PKIB: variants seen among roughly 807,000 people sequenced by gnomAD.
PKIB encodes PKI-beta.
Under a neutral mutation model 4.5 loss-of-function variants are expected in PKIB, and 2 were observed. The ratio of observed to expected loss-of-function variants is 0.44; its 90% CI spans 0.18 to 1.39. The LOEUF is 1.39. Among genes scored for constraint, PKIB ranks in the 40% most tolerant of loss-of-function variants. The probability of loss-of-function intolerance (pLI) is 0.27; values close to 1 mark genes in which losing one functional copy is unlikely to be tolerated. For missense variants in PKIB, 94 were observed against 92.6 expected, an observed-to-expected ratio of 1.02 and a Z score of -0.06; for synonymous variants, 38 against 36.0, an observed-to-expected ratio of 1.06 and a Z score of -0.20.
intron 2 of PKIB, among the ~76,000 whole-genome samples, chr6:122,524,694 G>A (rs1206125091): frequency 1.3e-5 from 2 of 151,870 alleles, no homozygotes; most frequent in Non-Finnish European, 2.9e-5. Flanking sequence ...TTCTTCATGA[G>A]TCAGTCTTAG....
At chr6:122,714,388 T>C (rs1779396161) in intron 3 of PKIB, among the ~76,000 whole-genome samples, 1 of 152,218 alleles carries the variant, frequency 6.6e-6, no homozygotes, top group Non-Finnish European at 1.5e-5. Flanking sequence ...ACTTCTGTTT[T>C]CGATCTTAAA....
At chr6:122,502,294 T>C (rs916690775) in intron 2 of PKIB, among the ~76,000 whole-genome samples, 3 of 152,054 alleles carry the variant, frequency 2.0e-5, no homozygotes, top group African/African-American at 7.2e-5. Context: ...GGTATCTTTA[T>C]AGCAATGCCT....
rs552691904 is a variant in PKIB, at chr6:122,703,874, G to A, written c.-8-13913G>A. 4.2e-4 allele frequency among the ~76,000 whole-genome samples: 61 copies of A among 146,982 alleles called. 1 individual carries two copies. Among genetic ancestry groups the A allele is most frequent in the African/African-American group, 1.5e-3 (59 of 39,892 alleles). On this transcript the variant is annotated intron_variant, in intron 3 of 4. Coordinates refer to ENST00000368452, the MANE Select transcript of PKIB (RefSeq NM_181795.3). The stretch of plus-strand genomic sequence containing the variant: ...ATATGTAAAAGCTCTACGTAAGAAC[G>A]GCAAAAATGCTCGCTCTCTATATAA...
rs983313195 is a variant in PKIB, at chr6:122,722,122, C to T, written c.170-3006C>T. On this transcript the variant is annotated intron_variant, in intron 4 of 4. Transcript: ENST00000368452. ...TAACAGCAATGTTAACTAGGAAGCA[C>T]ATAATATATGAAAAATCATTTTCCT... 2.0e-5 allele frequency among the ~76,000 whole-genome samples: 3 copies of T among 152,184 alleles called. No individual in the cohort carries two copies. In the East Asian group the frequency reaches 5.8e-4, roughly 29 times the overall value.
At chr6:122,639,956 G>C (rs1411731707) in intron 2 of PKIB, among the ~76,000 whole-genome samples, 1 of 152,096 alleles carries the variant, frequency 6.6e-6, no homozygotes, top group Non-Finnish European at 1.5e-5. Flanking sequence ...AATACAATAA[G>C]GGACTACAAG....
chr6:122,589,918 C>G (rs949676809), intron 3 of PKIB, among the ~76,000 whole-genome samples: 1 of 152,108 alleles, frequency 6.6e-6, no homozygotes, highest in African/African-American at 2.4e-5. Flanking sequence ...AATGCATAGT[C>G]TCTGTTAAAG....
chr6:122,501,729 C>A (rs890336597), intron 2 of PKIB, among the ~76,000 whole-genome samples: 1 of 152,116 alleles, frequency 6.6e-6, no homozygotes, highest in South Asian at 2.1e-4. Context: ...CTCTGAAATG[C>A]GCTGAAGGCA....
At chr6:122,686,800 T>A (rs1315600043) in intron 3 of PKIB, among the ~76,000 whole-genome samples, 1 of 152,202 alleles carries the variant, frequency 6.6e-6, no homozygotes, top group African/African-American at 2.4e-5. Flanking sequence ...TTTTTGCCCA[T>A]TTTTAATCTA....
intron 2 of PKIB, among the ~76,000 whole-genome samples, chr6:122,522,953 T>C (rs892026491): frequency 5.9e-5 from 9 of 152,148 alleles, no homozygotes; most frequent in African/African-American, 9.7e-5. Flanking sequence ...ATTTACTTTT[T>C]CCCCCAATTT....
chr6:122,593,788 A>G (rs1030852772), intron 3 of PKIB, among the ~76,000 whole-genome samples: 1 of 152,204 alleles, frequency 6.6e-6, no homozygotes, highest in Non-Finnish European at 1.5e-5. Context: ...GTTGTCAGGA[A>G]CAGAGTTGAG....
intron 1 of PKIB, among the ~76,000 whole-genome samples, chr6:122,632,683 T>C (rs535387189): frequency 1.3e-5 from 2 of 152,360 alleles, no homozygotes. Flanking sequence ...ATGCGTAGAC[T>C]GGATTTTACT....
At chr6:122,661,071 T>C (rs539894932) in intron 2 of PKIB, among the ~76,000 whole-genome samples, 184 of 152,306 alleles carry the variant, frequency 1.2e-3, no homozygotes, top group African/African-American at 4.3e-3. Flanking sequence ...CTGTAATCAA[T>C]GTGTTCATCA....
intron 2 of PKIB, among the ~76,000 whole-genome samples, chr6:122,501,929 C>CTTTTTTTT (rs59519477): frequency 8.0e-6 from 1 of 124,610 alleles, no homozygotes; most frequent in African/African-American, 3.0e-5. Flanking sequence ...AGCCAGGCCA[C>CTTTTTTTT]TTTTTTTTTT....
chr6:122,485,857 GCTGTATGT>G (rs1175089201), intron 2 of PKIB, among the ~76,000 whole-genome samples: 1 of 152,110 alleles, frequency 6.6e-6, no homozygotes, highest in African/African-American at 2.4e-5. Context: ...TTGGATTATT[GCTGTATGT>G]CTTGCCTTTT....
chr6:122,626,798 A>G (rs373764654), intron 1 of PKIB, among the ~76,000 whole-genome samples: 2 of 152,314 alleles, frequency 1.3e-5, no homozygotes, highest in African/African-American at 4.8e-5. Flanking sequence ...TATATGAATG[A>G]ATGAACGAAT....
intron 2 of PKIB, among the ~76,000 whole-genome samples, chr6:122,639,864 G>C (rs756656401): frequency 1.3e-5 from 2 of 152,084 alleles, no homozygotes; most frequent in African/African-American, 4.8e-5. Context: ...TTTTGGAGGT[G>C]GGTAATTAAT....
Position 122,597,369 on chromosome 6 carries a change from G to T in PKIB, c.-161+11362G>T, listed in dbSNP as rs1371123732. ...CAGCTGAAGGCAAATCACTTCTGTT[G>T]GACCTTATGGACAGGAATGGAGAAA... On this transcript the variant is annotated intron_variant, in intron 3 of 6. Coordinates refer to the PKIB transcript ENST00000392491. Among the ~76,000 whole-genome samples the T allele has an allele frequency of 2.0e-5, 3 of 152,188 alleles. No individual in the cohort carries two copies. The East Asian group carries it at 5.8e-4, about 29-fold the overall frequency.
chr6:122,695,502 A>G (rs912746952), intron 3 of PKIB, among the ~76,000 whole-genome samples: 1 of 152,214 alleles, frequency 6.6e-6, no homozygotes, highest in Non-Finnish European at 1.5e-5. Flanking sequence ...TAAAGTTTTC[A>G]TATCAGATGA....
chr6:122,650,557 C>T (rs1776511358), intron 2 of PKIB, among the ~76,000 whole-genome samples: 1 of 152,170 alleles, frequency 6.6e-6, no homozygotes. Flanking sequence ...ATTGTCTTTG[C>T]TGTTCACTGT....
Sources: gnomAD v4.1 joint callset for allele counts (sites outside exome capture counted in the v4.1 genomes callset) on GRCh38, gnomAD v4.1.1 for gene constraint, MANE v1.5 for transcripts, NCBI Gene and HGNC (gene_info 2026-07-23, HGNC 2026-07-21) for gene names.